The following PSME4 variants were observed in gnomAD, a reference collection of about 807,000 sequenced individuals.
PSME4 encodes proteasome activator complex subunit 4.
A neutral mutation model predicts 253.9 loss-of-function variants in PSME4; 89 were observed. That is an observed-to-expected ratio of 0.35 (90% confidence interval 0.30 to 0.42). The LOEUF (loss-of-function observed/expected upper bound fraction) is 0.42, where lower values mean the gene tolerates loss of function less well. Among genes scored for constraint, PSME4 ranks in the 10% least tolerant of loss-of-function variants. The pLI, the probability that PSME4 is intolerant of heterozygous loss-of-function variation, is 1.00. For synonymous variants in PSME4, 851 were observed against 759.2 expected, an observed-to-expected ratio of 1.12 and a Z score of -1.99; for missense variants, 2,014 against 2,195.2, an observed-to-expected ratio of 0.92 and a Z score of 1.65.
chr2:53,964,919 C>T (rs1475249640), intron 1 of PSME4, among the ~76,000 whole-genome samples: 1 of 152,198 alleles, frequency 6.6e-6, no homozygotes, highest in Non-Finnish European at 1.5e-5. Flanking sequence ...ACTTTCAATT[C>T]TAAAGGGTGC....
intron 1 of PSME4, among the ~76,000 whole-genome samples, chr2:53,958,491 G>A (rs1053971380): frequency 3.3e-5 from 5 of 152,064 alleles, no homozygotes; most frequent in African/African-American, 1.2e-4. Context: ...AATACTAATG[G>A]GATTATAACC....
rs564299321 is a variant in PSME4 at position 53,908,928 on chromosome 2, G to A, written c.2573-88C>T. On this transcript the variant is annotated intron_variant, in intron 21 of 46. Coordinates refer to ENST00000404125, the MANE Select transcript of PSME4 (RefSeq NM_014614.3). Reference sequence around the variant, plus strand: ...TATATCAACAGGTTAGGTCAAGGAGGGATAAAGTATTGGAGAAAAAAATAG... The same window carrying A: ...TATATCAACAGGTTAGGTCAAGGAGAGATAAAGTATTGGAGAAAAAAATAG... 26 of 980,848 alleles carry A rather than the reference G, an allele frequency of 2.7e-5. No individual in the cohort carries two copies. In the East Asian group the frequency reaches 5.5e-4, roughly 21 times the overall value. 60.8% of individuals were successfully genotyped at this position (980,848 alleles called of 1,614,324 possible). A position where few individuals can be genotyped will look rare whatever the true frequency, so the allele number is the denominator to read the frequency against.
At chr2:53,953,194 G>C (rs188713400) in intron 1 of PSME4, among the ~76,000 whole-genome samples, 11 of 151,960 alleles carry the variant, frequency 7.2e-5, no homozygotes, top group African/African-American at 2.7e-4. Context: ...TTTTAAAAGG[G>C]CACAAAAGTT....
At chr2:53,915,916 C>CA (rs1239328689) in intron 20 of PSME4, among the ~76,000 whole-genome samples, 1 of 151,880 alleles carries the variant, frequency 6.6e-6, no homozygotes, top group African/African-American at 2.4e-5. Context: ...ACTAAAAATA[C>CA]AAAAAACAAT....
chr2:53,868,588 T>TG (rs1678717884), intron 44 of PSME4, among the ~76,000 whole-genome samples: 1 of 135,090 alleles, frequency 7.4e-6, no homozygotes, highest in Non-Finnish European at 1.5e-5. Context: ...AATATATTTA[T>TG]AATATATATA....
chr2:53,956,456 G>A (rs565917817), intron 1 of PSME4, among the ~76,000 whole-genome samples: 2 of 151,842 alleles, frequency 1.3e-5, no homozygotes, highest in South Asian at 4.2e-4. Context: ...CTTGAACCCG[G>A]GAGGCGGAGG....
intron 43 of PSME4, among the ~76,000 whole-genome samples, chr2:53,873,238 C>CA (rs60203960): frequency 0.28 from 34,094 of 123,126 alleles, 5,306 homozygotes; most frequent in South Asian, 0.33. Context: ...GACTCCGTCT[C>CA]AAAAAAAAAG....
intron 1 of PSME4, among the ~76,000 whole-genome samples, chr2:53,951,983 T>C (rs1177915885): frequency 6.6e-6 from 1 of 152,172 alleles, no homozygotes; most frequent in Non-Finnish European, 1.5e-5. Context: ...CCTCCCTCAA[T>C]TTCACTCTAA....
intron 44 of PSME4, among the ~76,000 whole-genome samples, chr2:53,867,876 T>C (rs1277671416): frequency 6.6e-6 from 1 of 152,158 alleles, no homozygotes; most frequent in Non-Finnish European, 1.5e-5. Flanking sequence ...AATGTCTATT[T>C]CTTAAAACAG....
At chr2:53,928,427 C>CA (rs1668669562) in intron 10 of PSME4, 124 bp from the exon 11 acceptor site, 1 of 739,982 alleles carries the variant, frequency 1.4e-6, no homozygotes, top group East Asian at 2.7e-5. Flanking sequence ...GCAAAATACT[C>CA]AGAGTGAAAA....
chr2:53,906,953 G>T (rs74955566), intron 24 of PSME4, 85 bp from the exon 25 acceptor site: 101,635 of 1,204,950 alleles, frequency 0.084, 4,907 homozygotes, highest in Non-Finnish European at 0.099. Context: ...TTAATAAGTG[G>T]TCAAAAAGGT....
At chr2:53,870,536 AT>A (rs969614511) in intron 43 of PSME4, 245 of 142,814 alleles carry the variant, frequency 1.7e-3, no homozygotes, top group Admixed American at 2.0e-3. Flanking sequence ...ACCATGGCTA[AT>A]TTTTTTTTTT....
In PSME4 at chr2:53,922,764, G is replaced by C. The variant is rs186215473; in HGVS notation, c.1979-180C>G. 6.6e-5 allele frequency among the ~76,000 whole-genome samples: 10 copies of C among 152,188 alleles called. No homozygotes were observed. In the East Asian group the frequency reaches 1.5e-3, roughly 23 times the overall value. ...AAGGAGGTAGAAACAGAATTTTCAA[G>C]AAAATAAACACACCAACCAAGACTT... On this transcript the variant is annotated intron_variant, in intron 16 of 46. Coordinates refer to ENST00000404125, the MANE Select transcript of PSME4 (RefSeq NM_014614.3).
chr2:53,936,230 C>G (rs1669110005), intron 6 of PSME4, 69 bp from the exon 7 acceptor site: 1 of 1,586,790 alleles, frequency 6.3e-7, no homozygotes, highest in South Asian at 1.1e-5. Flanking sequence ...AGTCACACCC[C>G]TCCTCCATTT....
intron 1 of PSME4, among the ~76,000 whole-genome samples, chr2:53,968,274 C>CA (rs575802007): frequency 0.36 from 33,812 of 94,918 alleles, 4,725 homozygotes; most frequent in South Asian, 0.53. Flanking sequence ...GACTCCACCT[C>CA]AAAAAAAAAA....
At chr2:53,931,748 C>G (rs1558695928) in intron 10 of PSME4, 87 bp downstream of exon 10, 4 of 1,422,146 alleles carry the variant, frequency 2.8e-6, no homozygotes, top group Non-Finnish European at 3.8e-6. Flanking sequence ...AGAAGCAAAA[C>G]AGAAGCCACA....
At chr2:53,894,943 G>C in intron 34 of PSME4, 64 bp downstream of exon 34, 1 of 1,371,470 alleles carries the variant, frequency 7.3e-7, no homozygotes, top group Non-Finnish European at 1.0e-6. Context: ...ACTGAAGTGA[G>C]GTTGAGATAA....
At chr2:53,884,019 C>T (rs543106231) in intron 41 of PSME4, among the ~76,000 whole-genome samples, 40 of 152,288 alleles carry the variant, frequency 2.6e-4, no homozygotes, top group African/African-American at 7.9e-4. Context: ...TTAGTAAACA[C>T]GTTTCTTTTA....
rs746277009 is a variant in PSME4 at position 53,866,795 on chromosome 2, C to G, written c.5349G>C (p.Gln1783His). The G allele has an allele frequency of 1.2e-6, 2 of 1,613,788 alleles. No homozygotes were observed. Among genetic ancestry groups the G allele is most frequent in the Non-Finnish European group, 1.7e-6 (2 of 1,179,838 alleles). ...GATGTGCACTGAGATTCATGAGGAGCTGGGGCATCCAGGTGGGAACATCGT... is the reference window on the plus strand; with the variant it reads ...GATGTGCACTGAGATTCATGAGGAGGTGGGGCATCCAGGTGGGAACATCGT... ...SPYDVPTWMP[Q>H]LLMNLSAHLN... The change falls in exon 45 of 47, where the codon CAG becomes CAC. Residue 1783 changes from glutamine to histidine, a missense_variant. Around this residue, in one of 4 missense-constraint regions of PSME4, gnomAD observed 403 missense variants for 556.1 expected, o/e 0.72. Transcript: ENST00000404125.
Sources: allele counts gnomAD v4.1 joint callset (sites outside exome capture counted in the v4.1 genomes callset), GRCh38; gene constraint gnomAD v4.1.1; regional missense constraint gnomAD v4.1.1; transcripts MANE v1.5; gene names NCBI Gene and HGNC (gene_info 2026-07-23, HGNC 2026-07-21).